The following CILK1 variants were observed in gnomAD, a reference collection of about 807,000 sequenced individuals.
CILK1 encodes serine/threonine-protein kinase ICK.
Under a neutral mutation model 79.2 loss-of-function variants are expected in CILK1, and 47 were observed. The observed-to-expected ratio is 0.59, with a 90% CI of 0.47 to 0.76. The LOEUF (loss-of-function observed/expected upper bound fraction) is 0.76. CILK1 is among the 30% of genes least tolerant of loss of function. The pLI is 0.00. For synonymous variants in CILK1, 266 were observed against 275.9 expected, an observed-to-expected ratio of 0.96 and a Z score of 0.36; for missense variants, 660 against 769.5, an observed-to-expected ratio of 0.86 and a Z score of 1.68.
chr6:53,036,556 C>T (rs988546363), intron 3 of CILK1, among the ~76,000 whole-genome samples: 13 of 152,118 alleles, frequency 8.5e-5, no homozygotes, highest in Non-Finnish European at 1.9e-4. Flanking sequence ...GCTGGGATTA[C>T]AAGCACCCAC....
At chr6:53,023,085 C>T (rs1765350617) in intron 5 of CILK1, among the ~76,000 whole-genome samples, 1 of 152,104 alleles carries the variant, frequency 6.6e-6, no homozygotes, top group Non-Finnish European at 1.5e-5. Context: ...AGGCGCCTGC[C>T]ACCACACCCT....
intron 1 of CILK1, among the ~76,000 whole-genome samples, chr6:53,045,842 A>G (rs2127458452): frequency 6.6e-6 from 1 of 152,184 alleles, no homozygotes; most frequent in East Asian, 1.9e-4. Context: ...AAAAAAAAAA[A>G]AAATCAGCCA....
At chr6:53,043,144 C>A (rs1005510118) in intron 1 of CILK1, among the ~76,000 whole-genome samples, 1 of 151,800 alleles carries the variant, frequency 6.6e-6, no homozygotes, top group East Asian at 1.9e-4. Flanking sequence ...GGTGAAACCC[C>A]GTCTCTACTA....
intron 4 of CILK1, among the ~76,000 whole-genome samples, chr6:53,032,096 T>A (rs1766007146): frequency 6.6e-6 from 1 of 152,214 alleles, no homozygotes; most frequent in South Asian, 2.1e-4. Flanking sequence ...CCTCCCAAAG[T>A]GCTGGGATTA....
intron 1 of CILK1, among the ~76,000 whole-genome samples, chr6:53,051,001 G>A (rs927565546): frequency 6.6e-6 from 1 of 152,124 alleles, no homozygotes; most frequent in Non-Finnish European, 1.5e-5. Flanking sequence ...AGCTGTGGGT[G>A]GCAGATCTGG....
In CILK1 at chr6:53,002,643, A is replaced by G. The variant is rs1375060076; in HGVS notation, c.*2506T>C. ...GGAAGAGTAATTCACAGCATTTGCT[A>G]GTTAAAATTTGTTTTTTCAGTCCTC... On this transcript the variant is annotated 3_prime_UTR_variant, in exon 14 of 14. Transcript: ENST00000676107. 6.6e-6 allele frequency: 1 copy of G among 152,212 alleles called. No individual in the cohort carries two copies. The highest frequency in any genetic ancestry group is 1.5e-5 in the Non-Finnish European group (1 of 68,038). The allele number at this position is 152,212 out of a possible 1,614,324, so 9.4% of individuals were successfully genotyped here.
intron 7 of CILK1, among the ~76,000 whole-genome samples, chr6:53,017,393 G>A (rs917274585): frequency 6.6e-6 from 1 of 152,142 alleles, no homozygotes; most frequent in Non-Finnish European, 1.5e-5. Flanking sequence ...GTGAGGAGGG[G>A]GATTACTGAC....
intron 1 of CILK1, among the ~76,000 whole-genome samples, chr6:53,057,344 C>T (rs1218235985): frequency 3.9e-5 from 6 of 152,108 alleles, no homozygotes; most frequent in Non-Finnish European, 7.4e-5. Flanking sequence ...TCTGGGCCAT[C>T]GTTATACATT....
chr6:53,035,013 G>A (rs900399570), intron 3 of CILK1, among the ~76,000 whole-genome samples: 1 of 152,176 alleles, frequency 6.6e-6, no homozygotes, highest in African/African-American at 2.4e-5. Flanking sequence ...GGTTCTGAGG[G>A]AGACTCATCT....
intron 9 of CILK1, among the ~76,000 whole-genome samples, 188 bp from the exon 10 acceptor site, chr6:53,012,415 T>C (rs1764629236): frequency 6.6e-6 from 1 of 152,190 alleles, no homozygotes; most frequent in Admixed American, 6.5e-5. Flanking sequence ...TCACAGATTG[T>C]ATCAGCTGCC....
intron 1 of CILK1, among the ~76,000 whole-genome samples, chr6:53,047,912 T>C (rs1394809436): frequency 2.0e-5 from 3 of 152,040 alleles, no homozygotes; most frequent in Admixed American, 2.0e-4. Flanking sequence ...GGGGCTGAAT[T>C]TGAGGTATGT....
intron 5 of CILK1, among the ~76,000 whole-genome samples, chr6:53,023,155 G>A (rs755091653): frequency 3.9e-5 from 6 of 151,938 alleles, no homozygotes; most frequent in Non-Finnish European, 5.9e-5. Flanking sequence ...GGGTGGTCTC[G>A]ATCCCCTGAC....
At chr6:53,016,020 T>C (rs769443609) in intron 8 of CILK1, 63 bp downstream of exon 8, 2 of 1,482,056 alleles carry the variant, frequency 1.3e-6, no homozygotes, top group Non-Finnish European at 1.9e-6. Context: ...ATATTTCCTG[T>C]GCAATTCATA....
intron 2 of CILK1, among the ~76,000 whole-genome samples, chr6:53,040,703 T>C (rs222452): frequency 0.83 from 126,594 of 152,200 alleles, 52,743 homozygotes; most frequent in East Asian, 0.93. Context: ...TGTTACACAA[T>C]AACAGATAAC....
intron 13 of CILK1, among the ~76,000 whole-genome samples, chr6:53,005,779 A>C (rs141080840): frequency 2.8e-3 from 420 of 152,232 alleles, no homozygotes; most frequent in Non-Finnish European, 4.6e-3. Context: ...AAAGCCCTCC[A>C]GGGACTCCAC....
chr6:53,025,803 C>T (rs1765533054), intron 5 of CILK1, among the ~76,000 whole-genome samples: 1 of 152,142 alleles, frequency 6.6e-6, no homozygotes, highest in South Asian at 2.1e-4. Flanking sequence ...CTATCTAGCC[C>T]TCTGTTAAGT....
intron 4 of CILK1, among the ~76,000 whole-genome samples, chr6:53,031,813 C>T (rs1261790675): frequency 6.6e-6 from 1 of 152,158 alleles, no homozygotes; most frequent in Admixed American, 6.6e-5. Context: ...TCTATTAAGT[C>T]TGAGCTTCTT....
At chr6:53,045,101 G>C (rs189382743) in intron 1 of CILK1, among the ~76,000 whole-genome samples, 155 of 152,136 alleles carry the variant, frequency 1.0e-3, no homozygotes, top group African/African-American at 3.3e-3. Context: ...AAAGATACAG[G>C]CATCTTAAAT....
chr6:53,002,803 C>T lies in CILK1; in HGVS notation c.*2346G>A, dbSNP rs911985192. ...GCGAAGTATTTTCTGAAGTTGGGCC[C>T]TATAAAGTATTAGAAAAACAATTTT... On this transcript the variant is annotated 3_prime_UTR_variant, in exon 14 of 14. Transcript: ENST00000676107. The T allele has an allele frequency of 3.9e-5, 6 of 152,100 alleles. No homozygotes were observed. The highest frequency in any genetic ancestry group is 1.4e-4 in the African/African-American group (6 of 41,398). The allele number at this position is 152,100 out of a possible 1,614,324, so 9.4% of individuals were successfully genotyped here.
Sources: gnomAD v4.1 joint callset for allele counts (sites outside exome capture counted in the v4.1 genomes callset) on GRCh38, gnomAD v4.1.1 for gene constraint, MANE v1.5 for transcripts, NCBI Gene and HGNC (gene_info 2026-07-23, HGNC 2026-07-21) for gene names.